BMP2K: variants seen among roughly 807,000 people sequenced by gnomAD.
BMP2K encodes the protein BMP2 inducible kinase, also known as BMP-2-inducible protein kinase.
A neutral mutation model predicts 116.0 loss-of-function variants in BMP2K; 74 were observed. The observed-to-expected ratio is 0.64, with a 90% confidence interval of 0.53 to 0.77. The LOEUF is 0.77. BMP2K is among the 30% of genes least tolerant of loss of function. BMP2K has a pLI of 0.00. For synonymous variants in BMP2K, 486 were observed against 502.5 expected, an observed-to-expected ratio of 0.97 and a Z score of 0.44; for missense variants, 1,365 against 1,403.6, an observed-to-expected ratio of 0.97 and a Z score of 0.44.
rs1449892597 is a variant in BMP2K, at chr4:78,871,936, G to C, written c.1596G>C (p.Gln532His). ...ATCAACCACAACCTTCTGCATCACAGTATCCTACAATGGTAACTTAAATAA... is the reference window on the plus strand; with the variant it reads ...ATCAACCACAACCTTCTGCATCACACTATCCTACAATGGTAACTTAAATAA... ...SVYQPQPSAS[Q>H]YPTMMPQYQQ... The change falls in exon 12 of 16, where the codon CAG becomes CAC. Residue 532 changes from glutamine (Q) to histidine (H), a missense_variant. Physicochemically the swap from Gln to His is conservative, Grantham distance 24. Around this residue, in one of 3 missense-constraint regions of BMP2K, gnomAD observed 762 missense variants for 756.7 expected, o/e 1.01. Coordinates refer to ENST00000502613, the MANE Select transcript of BMP2K (RefSeq NM_198892.2). The C allele has an allele frequency of 1.2e-6, 2 of 1,605,300 alleles. No homozygotes were observed. The highest frequency in any genetic ancestry group is 1.7e-6 in the Non-Finnish European group (2 of 1,174,334).
intron 1 of BMP2K, among the ~76,000 whole-genome samples, chr4:78,809,494 CT>C (rs780436022): frequency 8.5e-5 from 13 of 152,144 alleles, no homozygotes; most frequent in Non-Finnish European, 1.8e-4. Flanking sequence ...CCTCCCATCT[CT>C]GCCTCCTGAG....
intron 1 of BMP2K, among the ~76,000 whole-genome samples, chr4:78,817,789 T>C (rs1259179783): frequency 6.6e-6 from 1 of 152,128 alleles, no homozygotes; most frequent in Non-Finnish European, 1.5e-5. Flanking sequence ...AACCTCTAGT[T>C]GGTTTTCTGG....
At chr4:78,823,765 A>C (rs902840754) in intron 1 of BMP2K, among the ~76,000 whole-genome samples, 4 of 151,936 alleles carry the variant, frequency 2.6e-5, no homozygotes, top group African/African-American at 9.7e-5. Flanking sequence ...GGCAATTCTG[A>C]TGCAAAGCTA....
rs763584388 is a variant in BMP2K at position 78,865,611 on chromosome 4, A to G, written c.1122A>G (p.Pro374=). Residue 374 remains proline (P), a synonymous_variant, in exon 10 of 16, where the codon CCA becomes CCG. Coordinates refer to ENST00000502613, the MANE Select transcript of BMP2K (RefSeq NM_198892.2). ...CCTCAATTGCACCAAGACAAAGACC[A>G]AAGGCCAACTCTGCTACTACTGCCA... is the stretch of plus-strand genomic sequence containing the variant. ...TETSIAPRQR[P]KANSATTATP... The G allele has an allele frequency of 1.2e-6, 2 of 1,614,122 alleles. No homozygotes were observed. The highest frequency in any genetic ancestry group is 1.7e-6 in the Non-Finnish European group (2 of 1,179,974).
chr4:78,876,320 C>T (rs925211843), intron 13 of BMP2K, among the ~76,000 whole-genome samples: 13 of 151,936 alleles, frequency 8.6e-5, no homozygotes, highest in Admixed American at 8.5e-4. Flanking sequence ...AGAGATGGGA[C>T]TCTGTCACAC....
At chr4:78,790,636 A>G (rs1727951482) in intron 1 of BMP2K, among the ~76,000 whole-genome samples, 1 of 152,176 alleles carries the variant, frequency 6.6e-6, no homozygotes, top group African/African-American at 2.4e-5. Flanking sequence ...TAATTTTTCT[A>G]ATATTTTTCA....
At chr4:78,886,765 A>C (rs1383817324) in intron 14 of BMP2K, among the ~76,000 whole-genome samples, 1 of 152,204 alleles carries the variant, frequency 6.6e-6, no homozygotes, top group Non-Finnish European at 1.5e-5. Flanking sequence ...ATTGAGAAGT[A>C]AGATTTACCT....
chr4:78,871,277 A>G (rs550311938), intron 11 of BMP2K, among the ~76,000 whole-genome samples: 1 of 152,380 alleles, frequency 6.6e-6, no homozygotes, highest in South Asian at 2.1e-4. Flanking sequence ...CCTTATGAAG[A>G]AAAGAATGTT....
At position 78,865,679 on chromosome 4, in the gene BMP2K, A is replaced by G; in HGVS notation, c.1190A>G (p.Lys397Arg). The G allele has an allele frequency of 6.2e-7, 1 of 1,614,100 alleles. No individual in the cohort carries two copies. Among genetic ancestry groups the G allele is most frequent in the Non-Finnish European group, 8.5e-7 (1 of 1,179,986 alleles). ...ATTCAAAGTTCAGCAACACCTGTTA[A>G]AGTCCTTGCTCCTGGTGAATTCGGT... is the stretch of plus-strand genomic sequence containing the variant. ...LTIQSSATPV[K>R]VLAPGEFGNH... Residue 397 changes from lysine to arginine, a missense_variant, in exon 10 of 16, where the codon AAA becomes AGA. Transcript: ENST00000502613.
At chr4:78,905,899 A>C (rs950956016) in intron 15 of BMP2K, among the ~76,000 whole-genome samples, 5 of 152,058 alleles carry the variant, frequency 3.3e-5, no homozygotes, top group Non-Finnish European at 7.4e-5. Flanking sequence ...GTCACATTCT[A>C]AAGTGCTGTG....
intron 8 of BMP2K, among the ~76,000 whole-genome samples, chr4:78,860,586 A>G (rs1218291128): frequency 6.6e-6 from 1 of 151,828 alleles, no homozygotes; most frequent in Non-Finnish European, 1.5e-5. Flanking sequence ...GCATTTAACT[A>G]CTTTAGGTGA....
chr4:78,892,363 T>C (rs987312086), intron 15 of BMP2K, among the ~76,000 whole-genome samples: 2 of 152,214 alleles, frequency 1.3e-5, no homozygotes, highest in African/African-American at 2.4e-5. Flanking sequence ...CTGGGTTTTA[T>C]TGACGTGAAG....
intron 1 of BMP2K, among the ~76,000 whole-genome samples, chr4:78,817,937 A>T (rs555301726): frequency 2.0e-5 from 3 of 152,206 alleles, no homozygotes; most frequent in Non-Finnish European, 4.4e-5. Flanking sequence ...ACAGACATAT[A>T]TTTTTTTCTT....
chr4:78,868,302 G>A (rs549237383), intron 10 of BMP2K, among the ~76,000 whole-genome samples: 74 of 152,148 alleles, frequency 4.9e-4, no homozygotes, highest in African/African-American at 1.5e-3. Context: ...TGATAAACCC[G>A]TCAGATCTCA....
chr4:78,807,586 AACTC>A (rs1027682349), intron 1 of BMP2K, among the ~76,000 whole-genome samples: 6 of 151,090 alleles, frequency 4.0e-5, no homozygotes, highest in Admixed American at 6.6e-5. Flanking sequence ...TTTTATTACT[AACTC>A]AATCTCTTTA....
intron 6 of BMP2K, among the ~76,000 whole-genome samples, chr4:78,848,736 A>G (rs1731121896): frequency 6.6e-6 from 1 of 151,260 alleles, no homozygotes; most frequent in South Asian, 2.1e-4. Flanking sequence ...TGTACTGTTT[A>G]TATATTAGTT....
intron 15 of BMP2K, among the ~76,000 whole-genome samples, chr4:78,899,741 T>C (rs966870005): frequency 6.6e-6 from 1 of 152,240 alleles, no homozygotes; most frequent in South Asian, 2.1e-4. Flanking sequence ...AATAGTCCAT[T>C]AGATTTAGCA....
chr4:78,799,545 G>C (rs1358347564), intron 1 of BMP2K, among the ~76,000 whole-genome samples: 1 of 152,138 alleles, frequency 6.6e-6, no homozygotes, highest in East Asian at 1.9e-4. Flanking sequence ...CATACAAATG[G>C]AGATCCTGCT....
chr4:78,891,565 A>T (rs1160736255), intron 15 of BMP2K, among the ~76,000 whole-genome samples: 1 of 151,974 alleles, frequency 6.6e-6, no homozygotes, highest in African/African-American at 2.4e-5. Context: ...TCTGTTTTCT[A>T]GCTCTTTGTC....
Sources: allele counts gnomAD v4.1 joint callset (sites outside exome capture counted in the v4.1 genomes callset), GRCh38; gene constraint gnomAD v4.1.1; regional missense constraint gnomAD v4.1.1; transcripts MANE v1.5; gene names NCBI Gene and HGNC (gene_info 2026-07-23, HGNC 2026-07-21).